The following TMED8 variants were observed in gnomAD, a reference collection of about 807,000 sequenced individuals.
TMED8 encodes the protein transmembrane p24 trafficking protein family member 8, also known as protein TMED8.
TMED8 carries 15 observed loss-of-function variants against 32.7 expected under a neutral mutation model. The observed-to-expected ratio is 0.46, with a 90% CI of 0.31 to 0.71. The LOEUF (loss-of-function observed/expected upper bound fraction) is 0.71, where lower values mean the gene tolerates loss of function less well. TMED8 is among the 30% of genes least tolerant of loss of function. TMED8 has a pLI of 0.06. For missense variants in TMED8, 390 were observed against 423.9 expected, an observed-to-expected ratio of 0.92 and a Z score of 0.70; for synonymous variants, 147 against 161.4, an observed-to-expected ratio of 0.91 and a Z score of 0.68.
At position 77,371,396 on chromosome 14, in the gene TMED8, T is replaced by C. The variant is rs113617792; in HGVS notation, c.118+5540A>G. Among the ~76,000 whole-genome samples, 4 of 152,338 alleles carry C rather than the reference T, an allele frequency of 2.6e-5. 1 individual carries two copies. The highest frequency in any genetic ancestry group is 9.6e-5 in the African/African-American group (4 of 41,584). The stretch of plus-strand genomic sequence containing the variant: ...TGATTTAGGTTGAGCATTTTTCACA[T>C]GGTAAGCACCACTTCTCATAGCATT... On this transcript the variant is annotated intron_variant, in intron 1 of 5. Transcript: ENST00000216468.
chr14:77,368,669 G>A (rs1893609002), intron 1 of TMED8, among the ~76,000 whole-genome samples: 1 of 152,020 alleles, frequency 6.6e-6, no homozygotes, highest in Non-Finnish European at 1.5e-5. Flanking sequence ...TAGAGACAGG[G>A]TTTCACCATA....
At chr14:77,367,871 T>G (rs1474741726) in intron 1 of TMED8, among the ~76,000 whole-genome samples, 1 of 152,158 alleles carries the variant, frequency 6.6e-6, no homozygotes, top group Non-Finnish European at 1.5e-5. Context: ...TTTTTGTATT[T>G]TTAGTAGAGA....
rs2139595970 is a variant in TMED8 at position 77,338,199 on chromosome 14, A to G, written c.*3572T>C. ...CCCAACCTGACTCTGGTATAGCATC[A>G]CATGACAGCAGGCCCCAAAGGAAAT... On this transcript the variant is annotated 3_prime_UTR_variant, in exon 6 of 6. Transcript: ENST00000216468. The G allele has an allele frequency of 6.6e-6, 1 of 152,324 alleles. No homozygotes were observed. The highest frequency in any genetic ancestry group is 2.4e-5 in the African/African-American group (1 of 41,562). The allele number at this position is 152,324 out of a possible 1,614,324, so 9.4% of individuals were successfully genotyped here.
Position 77,376,657 on chromosome 14 carries a change from C to T in TMED8, c.118+279G>A, listed in dbSNP as rs1893824777. 8.0e-6 allele frequency: 2 copies of T among 250,886 alleles called. No homozygotes were observed. The highest frequency in any genetic ancestry group is 5.5e-5 in the Admixed American group (1 of 18,030). 15.5% of individuals were successfully genotyped at this position (250,886 alleles called of 1,614,324 possible). A position where few individuals can be genotyped will look rare whatever the true frequency, so the allele number is the denominator to read the frequency against. On this transcript the variant is annotated intron_variant, in intron 1 of 5. Coordinates refer to ENST00000216468, the MANE Select transcript of TMED8 (RefSeq NM_213601.3). The surrounding 1 kb of genome is among the most constrained non-coding windows in gnomAD (Gnocchi z 4.0). ...GCTGAAACTGAAGCTGAAGAGGCGC[C>T]AGGGGCAGAGCCACCCTGTCACTAC...
At chr14:77,370,061 A>G (rs994815867) in intron 1 of TMED8, among the ~76,000 whole-genome samples, 1 of 151,824 alleles carries the variant, frequency 6.6e-6, no homozygotes, top group Non-Finnish European at 1.5e-5. Flanking sequence ...AATCCCAGCT[A>G]CTCGGGAGGC....
At chr14:77,356,080 T>C (rs1187465925) in intron 1 of TMED8, among the ~76,000 whole-genome samples, 5 of 152,226 alleles carry the variant, frequency 3.3e-5, no homozygotes, top group Non-Finnish European at 7.3e-5. Flanking sequence ...GGCTACTTTG[T>C]AACACCATGA....
chr14:77,349,988 C>T (rs1489216537), intron 2 of TMED8, among the ~76,000 whole-genome samples: 1 of 152,188 alleles, frequency 6.6e-6, no homozygotes, highest in Non-Finnish European at 1.5e-5. Context: ...ATCCTCCTGG[C>T]AGAGTGAATT....
At chr14:77,348,237 T>TG (rs1893094427) in intron 2 of TMED8, among the ~76,000 whole-genome samples, 1 of 151,766 alleles carries the variant, frequency 6.6e-6, no homozygotes, top group South Asian at 2.1e-4. Context: ...TTTCTTTTTT[T>TG]TTTTGAGACG....
rs1892787638 is a variant in TMED8, at chr14:77,337,409, G to A, written c.*4362C>T. 1 of 150,784 alleles carries A rather than the reference G, an allele frequency of 6.6e-6. No homozygotes were observed. Among genetic ancestry groups the A allele is most frequent in the African/African-American group, 2.4e-5 (1 of 40,928 alleles). 9.3% of individuals were successfully genotyped at this position (150,784 alleles called of 1,614,324 possible). On this transcript the variant is annotated 3_prime_UTR_variant, in exon 6 of 6. Coordinates refer to ENST00000216468, the MANE Select transcript of TMED8 (RefSeq NM_213601.3). ...CAAGAAACAATTTTTTTTTTTTTGA[G>A]ACGGAATCTTGCTCTGTTGCCCAGT... is the stretch of plus-strand genomic sequence containing the variant.
intron 2 of TMED8, among the ~76,000 whole-genome samples, chr14:77,350,338 C>G (rs1046731766): frequency 2.0e-5 from 3 of 152,164 alleles, no homozygotes; most frequent in African/African-American, 7.2e-5. Context: ...TCCCTGAGAG[C>G]AGTGATGGAC....
intron 1 of TMED8, among the ~76,000 whole-genome samples, chr14:77,371,213 T>C (rs1431453526): frequency 6.6e-6 from 1 of 152,194 alleles, no homozygotes; most frequent in East Asian, 1.9e-4. Flanking sequence ...GGGGCATATA[T>C]TGTAATTCTG....
At position 77,341,526 on chromosome 14, in the gene TMED8, A is replaced by C. The variant is rs1948683242; in HGVS notation, c.*245T>G. ...GCCCCATAGGTGCCTTCAAGAGGGAATTTGCTGGAGTCTGAAGCAAGAAGG... is the reference window on the plus strand; with the variant it reads ...GCCCCATAGGTGCCTTCAAGAGGGACTTTGCTGGAGTCTGAAGCAAGAAGG... On this transcript the variant is annotated 3_prime_UTR_variant, in exon 6 of 6. Coordinates refer to ENST00000216468, the MANE Select transcript of TMED8 (RefSeq NM_213601.3). The C allele has an allele frequency of 3.7e-6, 2 of 538,878 alleles. No individual in the cohort carries two copies. The highest frequency in any genetic ancestry group is 3.8e-5 in the African/African-American group (2 of 52,618). The allele number at this position is 538,878 out of a possible 1,614,324, so 33.4% of individuals were successfully genotyped here.
intron 1 of TMED8, among the ~76,000 whole-genome samples, chr14:77,360,635 G>A (rs1893415023): frequency 6.6e-6 from 1 of 152,050 alleles, no homozygotes; most frequent in South Asian, 2.1e-4. Flanking sequence ...TTCATATCTT[G>A]GCTATTGTGA....
Position 77,343,296 on chromosome 14 carries a change from G to A in TMED8, c.642C>T (p.Asp214=). 1 of 1,614,178 alleles carries A rather than the reference G, an allele frequency of 6.2e-7. No individual in the cohort carries two copies. The highest frequency in any genetic ancestry group is 8.5e-7 in the Non-Finnish European group (1 of 1,180,032). Residue 214 remains aspartate (D), a synonymous_variant, in exon 5 of 6, where the codon GAC becomes GAT. Coordinates refer to ENST00000216468, the MANE Select transcript of TMED8 (RefSeq NM_213601.3). ...AGTCAAAATAAACTCCAAAGCCAAT[G>A]TCATAGTCATCGGTCGCAAACTCCC... is the stretch of plus-strand genomic sequence containing the variant. ...VCWEFATDDY[D]IGFGVYFDWT...
intron 1 of TMED8, chr14:77,359,669 G>C: frequency 3.2e-6 from 1 of 316,706 alleles, no homozygotes; most frequent in South Asian, 2.7e-5. Context: ...ACGCCATTCT[G>C]GTACACACAG....
chr14:77,352,037 C>T (rs1028015825), intron 1 of TMED8, among the ~76,000 whole-genome samples: 1 of 152,144 alleles, frequency 6.6e-6, no homozygotes, highest in Non-Finnish European at 1.5e-5. Context: ...AAGTGGCTCA[C>T]ACCTATAATC....
At chr14:77,343,154 A>G in intron 5 of TMED8, 24 bp downstream of exon 5, 7 of 1,604,452 alleles carry the variant, frequency 4.4e-6, no homozygotes, top group Non-Finnish European at 6.0e-6. Context: ...AGAAAACTGC[A>G]AATTAGGTTA....
intron 2 of TMED8, 25 bp from the exon 3 acceptor site, chr14:77,346,503 A>C: frequency 6.2e-7 from 1 of 1,613,074 alleles, no homozygotes; most frequent in Non-Finnish European, 8.5e-7. Flanking sequence ...GAGCATGTTA[A>C]TTCAAGGACT....
intron 1 of TMED8, among the ~76,000 whole-genome samples, chr14:77,368,382 C>T (rs893523182): frequency 6.6e-5 from 10 of 152,156 alleles, no homozygotes; most frequent in African/African-American, 1.9e-4. Context: ...ACCAATGACT[C>T]GTATTTCTTG....
Sources: gnomAD v4.1 joint callset for allele counts (sites outside exome capture counted in the v4.1 genomes callset) on GRCh38, gnomAD v4.1.1 for gene constraint, Gnocchi (gnomAD v3.1) non-coding constraint, MANE v1.5 for transcripts, NCBI Gene and HGNC (gene_info 2026-07-23, HGNC 2026-07-21) for gene names.